KCNU1: variants seen among roughly 807,000 people sequenced by gnomAD.
The protein encoded by KCNU1 is potassium channel subfamily U member 1.
A neutral mutation model predicts 126.8 loss-of-function variants in KCNU1; 93 were observed. The observed-to-expected ratio is 0.73, with a 90% CI of 0.62 to 0.87. KCNU1 has a LOEUF of 0.87. Ranked by LOEUF, KCNU1 falls within the 40% of genes least tolerant of loss-of-function variation. The pLI, the probability that KCNU1 is intolerant of heterozygous loss-of-function variation, is 0.00. For missense variants in KCNU1, 1,330 were observed against 1,367.1 expected (o/e 0.97, Z 0.43); for synonymous variants, 523 against 494.2 (o/e 1.06, Z -0.77).
intron 18 of KCNU1, among the ~76,000 whole-genome samples, chr8:36,855,765 AT>A (rs1367083932): frequency 1.3e-5 from 2 of 149,654 alleles, no homozygotes; most frequent in African/African-American, 4.9e-5. Flanking sequence ...CTTTTATTTT[AT>A]TTTTTTTCTG....
chr8:36,784,464 C>T lies in KCNU1; in HGVS notation c.54C>T (p.Ser18=). 1 of 1,613,802 alleles carries T rather than the reference C, an allele frequency of 6.2e-7. No individual in the cohort carries two copies. Among genetic ancestry groups the T allele is most frequent in the Non-Finnish European group, 8.5e-7 (1 of 1,179,800 alleles). The part of the protein sequence containing the change: ...NETWEDLPKM[S]CTTEIQAAFI... ...CTTGGGAAGACTTGCCAAAAATGTC[C>T]TGCACAACTGAGATCCAAGCAGCAT... The change falls in exon 1 of 27, where the codon TCC becomes TCT. Residue 18 remains serine, a synonymous_variant. Coordinates refer to ENST00000399881, the MANE Select transcript of KCNU1 (RefSeq NM_001031836.3).
At chr8:36,830,357 G>T (rs972073216) in intron 10 of KCNU1, among the ~76,000 whole-genome samples, 1 of 151,414 alleles carries the variant, frequency 6.6e-6, no homozygotes, top group South Asian at 2.1e-4. Context: ...GATATTTGTT[G>T]GGTTAAAAAT....
intron 24 of KCNU1, among the ~76,000 whole-genome samples, chr8:36,929,714 G>A (rs554660745): frequency 6.6e-6 from 1 of 152,230 alleles, no homozygotes; most frequent in African/African-American, 2.4e-5. Context: ...ACGTGCCCCA[G>A]AGGGGACAGG....
rs1808383083 is a variant in KCNU1 at position 36,922,360 on chromosome 8, A to G, written c.2597-130A>G. 3 of 925,624 alleles carry G rather than the reference A, an allele frequency of 3.2e-6. No individual in the cohort carries two copies. The South Asian group carries it at 5.4e-5, about 17-fold the overall frequency. 57.3% of individuals were successfully genotyped at this position (925,624 alleles called of 1,614,324 possible). ...AAAAAATGTACTGAAAAAGGGGTTG[A>G]TCCCACAGAGACCCCAAAGTAGACA... On this transcript the variant is annotated intron_variant, in intron 23 of 26. Transcript: ENST00000399881.
intron 19 of KCNU1, among the ~76,000 whole-genome samples, chr8:36,879,222 TATATATATATATATATACACACAC>T (rs1277898787): frequency 1.4e-5 from 2 of 142,452 alleles, no homozygotes; most frequent in Non-Finnish European, 3.1e-5. Context: ...TATATATATA[TATATATATATATATATACACACAC>T]ATATATGAAA....
intron 19 of KCNU1, among the ~76,000 whole-genome samples, chr8:36,868,171 C>A (rs943377074): frequency 1.3e-5 from 2 of 152,118 alleles, no homozygotes; most frequent in Admixed American, 1.3e-4. Flanking sequence ...AGGTGACTTA[C>A]GTACCGTGTT....
chr8:36,847,115 G>A (rs903958597), intron 18 of KCNU1, among the ~76,000 whole-genome samples: 4 of 152,054 alleles, frequency 2.6e-5, no homozygotes, highest in South Asian at 2.1e-4. Flanking sequence ...CCTGGCTTTG[G>A]GTCAGGCTCT....
chr8:36,791,324 A>T (rs560128495), intron 2 of KCNU1, among the ~76,000 whole-genome samples: 1 of 152,204 alleles, frequency 6.6e-6, no homozygotes, highest in African/African-American at 2.4e-5. Context: ...TGTTAATTAC[A>T]TAACTGACTG....
intron 22 of KCNU1, among the ~76,000 whole-genome samples, chr8:36,913,792 G>A (rs957538326): frequency 1.2e-4 from 18 of 151,788 alleles, no homozygotes; most frequent in Admixed American, 4.6e-4. Context: ...TAGTAGAGAC[G>A]GGGTTTCACC....
intron 2 of KCNU1, among the ~76,000 whole-genome samples, chr8:36,802,883 A>G (rs1803363142): frequency 6.6e-6 from 1 of 152,190 alleles, no homozygotes. Context: ...TCACTGATGA[A>G]CAGAAGAGTA....
chr8:36,883,132 G>A (rs781183919), intron 19 of KCNU1, among the ~76,000 whole-genome samples: 1 of 152,182 alleles, frequency 6.6e-6, no homozygotes, highest in Non-Finnish European at 1.5e-5. Context: ...AAATTCACCA[G>A]GCTGAACAAT....
Position 36,834,793 on chromosome 8 carries a change from C to A in KCNU1, c.1220C>A (p.Ser407Tyr), listed in dbSNP as rs776726475. The A allele has an allele frequency of 5.0e-6, 8 of 1,608,396 alleles. No homozygotes were observed. Among genetic ancestry groups the A allele is most frequent in the Non-Finnish European group, 6.8e-6 (8 of 1,175,724 alleles). Residue 407 changes from serine to tyrosine, a missense_variant, in exon 12 of 27, where the codon TCT becomes TAT. By Grantham distance (144) the Ser-to-Tyr change is moderately radical. Transcript: ENST00000399881. ...WEDLRRVAVESAEACLIIANP... is the reference protein window; with the variant it reads ...WEDLRRVAVEYAEACLIIANP... Reference sequence around the variant, plus strand: ...TCCGATCTTGAAGGGTAGGTGGAATCTGCAGAGGCATGCCTGATTATAGCC... The same window carrying A: ...TCCGATCTTGAAGGGTAGGTGGAATATGCAGAGGCATGCCTGATTATAGCC...
intron 21 of KCNU1, among the ~76,000 whole-genome samples, chr8:36,910,326 T>C (rs1456234358): frequency 1.3e-5 from 2 of 151,666 alleles, no homozygotes; most frequent in Non-Finnish European, 3.0e-5. Context: ...AAAGCCACTG[T>C]AAGTTTCCCT....
At chr8:36,893,184 G>A (rs188648782) in intron 19 of KCNU1, among the ~76,000 whole-genome samples, 28 of 150,476 alleles carry the variant, frequency 1.9e-4, no homozygotes, top group Middle Eastern at 6.8e-3. Flanking sequence ...ATGTTGCCCA[G>A]GTTAGTCTTG....
intron 1 of KCNU1, among the ~76,000 whole-genome samples, chr8:36,786,737 C>T (rs1802723953): frequency 6.6e-6 from 1 of 152,104 alleles, no homozygotes; most frequent in East Asian, 1.9e-4. Flanking sequence ...TCATGCCTAA[C>T]TTTATCATAT....
In KCNU1 at chr8:36,805,239, T is replaced by C. The variant is rs1363072702; in HGVS notation, c.422T>C (p.Ile141Thr). ...TCATATGAAGACAAAACCATTCCTA[T>C]TGATTTGGTTTTCAATGCTTTCTTT... ...CSSYEDKTIP[I>T]DLVFNAFFSF... Residue 141 changes from isoleucine (I) to threonine (T), a missense_variant, in exon 4 of 27, where the codon ATT becomes ACT. Transcript: ENST00000399881. The C allele has an allele frequency of 1.2e-6, 2 of 1,610,332 alleles. No homozygotes were observed. The highest frequency in any genetic ancestry group is 1.7e-6 in the Non-Finnish European group (2 of 1,177,912).
intron 22 of KCNU1, among the ~76,000 whole-genome samples, chr8:36,913,687 C>T (rs113490483): frequency 3.3e-5 from 5 of 151,482 alleles, no homozygotes; most frequent in African/African-American, 7.3e-5. Context: ...CTGCAAGCTC[C>T]GCCTCCCAGG....
At chr8:36,846,223 C>G (rs938642811) in intron 18 of KCNU1, among the ~76,000 whole-genome samples, 1 of 152,194 alleles carries the variant, frequency 6.6e-6, no homozygotes, top group Non-Finnish European at 1.5e-5. Context: ...ATTGCTTTTT[C>G]ATGATTTCAC....
chr8:36,839,240 A>G (rs1354883773), intron 14 of KCNU1, among the ~76,000 whole-genome samples: 1 of 152,158 alleles, frequency 6.6e-6, no homozygotes, highest in African/African-American at 2.4e-5. Context: ...TTAAATTTAC[A>G]TTAGATCTGA....
Sources: gnomAD v4.1 joint callset for allele counts (sites outside exome capture counted in the v4.1 genomes callset) on GRCh38, gnomAD v4.1.1 for gene constraint, MANE v1.5 for transcripts, NCBI Gene and HGNC (gene_info 2026-07-23, HGNC 2026-07-21) for gene names.